CUL1: variants seen among roughly 807,000 people sequenced by gnomAD.
CUL1 encodes cullin-1.
A neutral mutation model predicts 118.0 loss-of-function variants in CUL1; 24 were observed. The observed-to-expected ratio is 0.20, with a 90% CI of 0.15 to 0.29. The LOEUF (loss-of-function observed/expected upper bound fraction) is 0.29, where lower values mean the gene tolerates loss of function less well. CUL1 is among the 10% of genes least tolerant of loss of function. The pLI, the probability that CUL1 is intolerant of heterozygous loss-of-function variation, is 1.00. For synonymous variants in CUL1, 332 were observed against 340.4 expected, an observed-to-expected ratio of 0.98 and a Z score of 0.27; for missense variants, 361 against 933.8, an observed-to-expected ratio of 0.39 and a Z score of 7.99.
At chr7:148,786,794 A>G (rs1165579416) in intron 12 of CUL1, among the ~76,000 whole-genome samples, 195 bp downstream of exon 12, 1 of 152,236 alleles carries the variant, frequency 6.6e-6, no homozygotes, top group Non-Finnish European at 1.5e-5. Context: ...AGTCAGTCCA[A>G]CTCACTGAAT....
chr7:148,775,732 ATTTAT>A lies in CUL1; in HGVS notation c.1083+7987_1083+7991del, dbSNP rs1009727227. 3.9e-5 allele frequency among the ~76,000 whole-genome samples: 6 copies of A among 152,048 alleles called. 1 individual carries two copies. In the Middle Eastern group the frequency reaches 0.014, roughly 345 times the overall value. ...CTTCAGAGAAACAAGGATGGTTTGG[ATTTAT>A]TTTGTCTGTTTCCCTCCCCTGAGAA... is the stretch of plus-strand genomic sequence containing the variant. On this transcript the variant is annotated intron_variant, in intron 9 of 21. Transcript: ENST00000325222.
chr7:148,743,606 A>G (rs1044318618), intron 2 of CUL1, among the ~76,000 whole-genome samples: 3 of 152,106 alleles, frequency 2.0e-5, no homozygotes, highest in Non-Finnish European at 4.4e-5. Flanking sequence ...ATTCTGTCAA[A>G]TTTTCATATA....
In CUL1 at chr7:148,787,021, C is replaced by T. The variant is rs188469823; in HGVS notation, c.1380C>T (p.Asp460=). The change falls in exon 13 of 22, where the codon GAC becomes GAT. Residue 460 remains aspartate, a synonymous_variant. Coordinates refer to ENST00000325222, the MANE Select transcript of CUL1 (RefSeq NM_003592.3). The surrounding 1 kb of genome is among the most constrained non-coding windows in gnomAD (Gnocchi z 5.5). ...MVVFKYIEDK[D]VFQKFYAKML... The stretch of plus-strand genomic sequence containing the variant: ...TCTTCAAGTACATAGAAGACAAAGA[C>T]GTATTTCAGAAGTTCTATGCGAAGA... 8.3e-5 allele frequency: 134 copies of T among 1,612,242 alleles called. No individual in the cohort carries two copies. The East Asian group carries it at 2.3e-3, about 27-fold the overall frequency.
intron 1 of CUL1, among the ~76,000 whole-genome samples, chr7:148,702,521 T>C (rs759012299): frequency 2.0e-5 from 3 of 152,226 alleles, no homozygotes; most frequent in Non-Finnish European, 4.4e-5. Context: ...CATTAAGTAT[T>C]GTATTCATGT....
intron 16 of CUL1, among the ~76,000 whole-genome samples, chr7:148,791,912 G>A (rs1196170265): frequency 1.3e-5 from 2 of 152,202 alleles, no homozygotes; most frequent in Admixed American, 6.5e-5. Context: ...CTTTAGGGCC[G>A]GGTGCAGTGG....
At chr7:148,713,110 T>G (rs1017206569) in intron 1 of CUL1, among the ~76,000 whole-genome samples, 1 of 152,236 alleles carries the variant, frequency 6.6e-6, no homozygotes, top group African/African-American at 2.4e-5. Flanking sequence ...GAAAAGCATG[T>G]GTGGTGTAGA....
At chr7:148,781,960 T>C (rs1563167715) in intron 9 of CUL1, among the ~76,000 whole-genome samples, 1 of 152,248 alleles carries the variant, frequency 6.6e-6, no homozygotes, top group Non-Finnish European at 1.5e-5. Context: ...AGTCCTTCAA[T>C]TGGCAGTTGT....
At chr7:148,782,219 C>CA (rs937634950) in intron 9 of CUL1, among the ~76,000 whole-genome samples, 1 of 152,170 alleles carries the variant, frequency 6.6e-6, no homozygotes, top group Non-Finnish European at 1.5e-5. Flanking sequence ...ATTTCAGTGA[C>CA]AAAACCACAA....
rs533134507 is a variant in CUL1, at chr7:148,724,123, T to C, written c.-161-5839T>C. Among the ~76,000 whole-genome samples, 4 of 152,330 alleles carry C rather than the reference T, an allele frequency of 2.6e-5. No homozygotes were observed. The South Asian group carries it at 8.3e-4, about 32-fold the overall frequency. On this transcript the variant is annotated intron_variant, in intron 1 of 21. Coordinates refer to ENST00000325222, the MANE Select transcript of CUL1 (RefSeq NM_003592.3). ...TCCAGTATGTATGGATGAAACTGAATTACTAATATCAAAGAAGATATATTT... is the reference window on the plus strand; with the variant it reads ...TCCAGTATGTATGGATGAAACTGAACTACTAATATCAAAGAAGATATATTT...
At chr7:148,759,723 T>C in intron 6 of CUL1, 85 bp downstream of exon 6, 2 of 610,870 alleles carry the variant, frequency 3.3e-6, no homozygotes, top group Admixed American at 3.5e-5. Context: ...ATTTTTAAAA[T>C]ATTTTAATAT....
At position 148,732,328 on chromosome 7, in the gene CUL1, T is replaced by G. The variant is rs1180439933; in HGVS notation, c.140+2066T>G. Among the ~76,000 whole-genome samples the G allele has an allele frequency of 2.0e-5, 3 of 151,610 alleles. No individual in the cohort carries two copies. In the East Asian group the frequency reaches 5.8e-4, roughly 29 times the overall value. On this transcript the variant is annotated intron_variant, in intron 2 of 21. Coordinates refer to ENST00000325222, the MANE Select transcript of CUL1 (RefSeq NM_003592.3). ...CCACCTTATTGAGATGTAATTAATA[T>G]GCCTTGTAAGTCATCCATTTTTTTT... is the stretch of plus-strand genomic sequence containing the variant.
chr7:148,709,013 GA>G (rs1797970605), intron 1 of CUL1, among the ~76,000 whole-genome samples: 1 of 152,216 alleles, frequency 6.6e-6, no homozygotes, highest in Admixed American at 6.5e-5. Flanking sequence ...GGATATTGTG[GA>G]AGATGAGTAT....
At chr7:148,778,082 AAAAAAAAAAAAAAAAG>A (rs1481543315) in intron 9 of CUL1, among the ~76,000 whole-genome samples, 10 of 139,270 alleles carry the variant, frequency 7.2e-5, no homozygotes, top group South Asian at 2.3e-4. Flanking sequence ...AAAAAAAAAA[AAAAAAAAAAAAAAAAG>A]AAGAAGAAGA....
chr7:148,767,332 T>TC (rs1332883894), intron 8 of CUL1, among the ~76,000 whole-genome samples: 1 of 152,052 alleles, frequency 6.6e-6, no homozygotes, highest in Non-Finnish European at 1.5e-5. Context: ...CTGATAATTT[T>TC]TTTTTTTTGC....
At chr7:148,766,515 CT>C in intron 7 of CUL1, 45 bp from the exon 8 acceptor site, 1 of 1,509,776 alleles carries the variant, frequency 6.6e-7, no homozygotes, top group South Asian at 1.3e-5. Flanking sequence ...TGTAACAGTT[CT>C]TTACCAATGA....
At chr7:148,777,719 G>C (rs1353191771) in intron 9 of CUL1, among the ~76,000 whole-genome samples, 1 of 152,112 alleles carries the variant, frequency 6.6e-6, no homozygotes, top group South Asian at 2.1e-4. Flanking sequence ...AGAGGCTTTG[G>C]GGGAGGAGCA....
intron 1 of CUL1, among the ~76,000 whole-genome samples, chr7:148,711,674 G>A (rs530836738): frequency 1.3e-5 from 2 of 152,226 alleles, no homozygotes; most frequent in South Asian, 2.1e-4. Context: ...TATCTTAGTC[G>A]AAAGAAAAAT....
chr7:148,770,738 T>C (rs950621972), intron 9 of CUL1, among the ~76,000 whole-genome samples: 2 of 152,216 alleles, frequency 1.3e-5, no homozygotes, highest in Non-Finnish European at 2.9e-5. Context: ...GGCCATAGCC[T>C]GGCACACAGT....
At chr7:148,736,246 CA>C (rs1255401133) in intron 2 of CUL1, among the ~76,000 whole-genome samples, 2 of 152,176 alleles carry the variant, frequency 1.3e-5, no homozygotes, top group Non-Finnish European at 2.9e-5. Context: ...CCAAGCTCTA[CA>C]GTGCAGGCAG....
Sources: gnomAD v4.1 joint callset for allele counts (sites outside exome capture counted in the v4.1 genomes callset) on GRCh38, gnomAD v4.1.1 for gene constraint, Gnocchi (gnomAD v3.1) non-coding constraint, MANE v1.5 for transcripts, NCBI Gene and HGNC (gene_info 2026-07-23, HGNC 2026-07-21) for gene names.